CDON: variants seen among roughly 807,000 people sequenced by gnomAD.
The protein encoded by CDON is cell adhesion associated, oncogene regulated.
A neutral mutation model predicts 120.9 loss-of-function variants in CDON; 73 were observed. The observed-to-expected ratio is 0.60, with a 90% CI of 0.50 to 0.73. CDON has a LOEUF of 0.73. CDON is among the 30% of genes least tolerant of loss of function. The pLI, the probability that CDON is intolerant of heterozygous loss-of-function variation, is 0.00. For missense variants in CDON, 1,470 were observed against 1,587.3 expected (o/e 0.93, Z 1.26); for synonymous variants, 566 against 573.5 (o/e 0.99, Z 0.19).
Position 125,958,337 on chromosome 11 carries a change from T to G in CDON, c.*2605A>C, listed in dbSNP as rs1467809919. 6.6e-6 allele frequency: 1 copy of G among 152,114 alleles called. No homozygotes were observed. The highest frequency in any genetic ancestry group is 1.5e-5 in the Non-Finnish European group (1 of 68,044). The allele number at this position is 152,114 out of a possible 1,614,324, so 9.4% of individuals were successfully genotyped here. A position where few individuals can be genotyped will look rare whatever the true frequency, so the allele number is the denominator to read the frequency against. ...TAATGCCAACTTTGTAGATGAGTTG[T>G]GGGGGTTAAATGAGTTAACAGTAAC... On this transcript the variant is annotated 3_prime_UTR_variant, in exon 20 of 20. Coordinates refer to ENST00000531738, the MANE Select transcript of CDON (RefSeq NM_001378964.1).
chr11:125,980,538 T>C (rs1387664074), intron 17 of CDON, among the ~76,000 whole-genome samples: 1 of 152,300 alleles, frequency 6.6e-6, no homozygotes, highest in East Asian at 1.9e-4. Flanking sequence ...ACAGAGGTTT[T>C]GAAAAATCAG....
chr11:125,972,076 G>A (rs1410405861), intron 18 of CDON, among the ~76,000 whole-genome samples: 1 of 152,160 alleles, frequency 6.6e-6, no homozygotes, highest in African/African-American at 2.4e-5. Flanking sequence ...CTGCAAAGCT[G>A]CCTTAAATAT....
intron 7 of CDON, chr11:126,010,921 T>C (rs1044451066): frequency 3.4e-6 from 2 of 593,324 alleles, no homozygotes; most frequent in Non-Finnish European, 6.3e-6. Flanking sequence ...TTCCTGTCCT[T>C]CAGAAAGAAA....
At position 126,019,706 on chromosome 11, in the gene CDON, C is replaced by T. The variant is rs754529981; in HGVS notation, c.409G>A (p.Gly137Ser). The change falls in exon 4 of 20, where the codon GGT (glycine) becomes AGT (serine). Residue 137 changes from glycine (G) to serine (S), a missense_variant. Physicochemically the swap from Gly to Ser is moderately conservative, Grantham distance 56. Coordinates refer to ENST00000531738, the MANE Select transcript of CDON (RefSeq NM_001378964.1). ...TCCGGTACCCTGCAGCCAATGAAAC[C>T]AGCACTTTTTTCTTCTGCTGTAATA... ...HVITAEEKSA[G>S]FIGCRVPESN... is the part of the protein sequence containing the mutation. The T allele has an allele frequency of 3.1e-6, 5 of 1,614,052 alleles. No homozygotes were observed. The highest frequency in any genetic ancestry group is 3.4e-6 in the Non-Finnish European group (4 of 1,179,912).
intron 14 of CDON, among the ~76,000 whole-genome samples, chr11:125,993,673 G>A (rs1192497848): frequency 6.6e-6 from 1 of 152,174 alleles, no homozygotes; most frequent in East Asian, 1.9e-4. Context: ...ACGTCTCAGT[G>A]CACACAAGGA....
At chr11:126,002,221 A>G (rs958658505) in intron 10 of CDON, among the ~76,000 whole-genome samples, 3 of 152,222 alleles carry the variant, frequency 2.0e-5, no homozygotes, top group Admixed American at 1.3e-4. Context: ...GCTTCTGCTA[A>G]GTTTTCTAAG....
chr11:126,059,908 G>A (rs987427951), intron 1 of CDON, among the ~76,000 whole-genome samples: 24 of 150,814 alleles, frequency 1.6e-4, no homozygotes, highest in African/African-American at 5.8e-4. Context: ...AAGAGCACAA[G>A]CAATGAGGGA....
intron 18 of CDON, among the ~76,000 whole-genome samples, chr11:125,977,689 T>C (rs979405335): frequency 3.3e-5 from 5 of 152,298 alleles, no homozygotes; most frequent in South Asian, 4.1e-4. Context: ...TAGGAAAGTG[T>C]GCCGAGTATC....
rs1482281534 is a variant in CDON at position 126,010,603 on chromosome 11, C to T, written c.1290G>A (p.Gly430=). 1.2e-6 allele frequency: 2 copies of T among 1,614,040 alleles called. No homozygotes were observed. Among genetic ancestry groups the T allele is most frequent in the Non-Finnish European group, 1.7e-6 (2 of 1,180,008 alleles). Residue 430 remains glycine (G), a synonymous_variant, in exon 8 of 20, where the codon GGG becomes GGA. Coordinates refer to ENST00000531738, the MANE Select transcript of CDON (RefSeq NM_001378964.1). ...ACCAACGAATGACCGGAACCGGCAG[C>T]CCACTGGCATTGCAGGACAGAGTAA... ...DFVTLSCNAS[G]LPVPVIRWYD... is the part of the protein sequence containing the mutation.
At chr11:125,962,116 T>C (rs940419227) in intron 18 of CDON, 118 bp from the exon 19 acceptor site, 4 of 805,194 alleles carry the variant, frequency 5.0e-6, no homozygotes, top group Middle Eastern at 6.8e-4. Flanking sequence ...GAAAGAGTGA[T>C]GCTTAAAAAC....
chr11:126,057,679 T>C (rs1948712171), intron 1 of CDON, among the ~76,000 whole-genome samples: 1 of 152,264 alleles, frequency 6.6e-6, no homozygotes, highest in South Asian at 2.1e-4. Flanking sequence ...ATACATTAGC[T>C]GTACACTTGT....
In CDON at chr11:125,992,354, A is replaced by G. The variant is rs187099080; in HGVS notation, c.2650+1930T>C. On this transcript the variant is annotated intron_variant, in intron 14 of 19. Transcript: ENST00000531738. ...TATTATCCTTCCATTTCTTTTTAAA[A>G]ATAGGCTTTTTACTGGCATAAAGTA... Among the ~76,000 whole-genome samples the G allele has an allele frequency of 2.5e-3, 380 of 152,296 alleles. 1 individual carries two copies. Among genetic ancestry groups the G allele is most frequent in the African/African-American group, 6.7e-3 (279 of 41,580 alleles).
Position 125,997,361 on chromosome 11 carries a change from T to C in CDON, c.2208A>G (p.Ser736=). 1 of 1,613,884 alleles carries C rather than the reference T, an allele frequency of 6.2e-7. No individual in the cohort carries two copies. Among genetic ancestry groups the C allele is most frequent in the Non-Finnish European group, 8.5e-7 (1 of 1,179,822 alleles). Residue 736 remains serine, a synonymous_variant, in exon 12 of 20, where the codon TCA becomes TCG. Coordinates refer to ENST00000531738, the MANE Select transcript of CDON (RefSeq NM_001378964.1). ...RPTISTASET[S]VYVTWIPRAN... ...CCCGAGGAATCCAAGTGACATAGACTGATGTCTCTGATGCAGTGGAGATGG... is the reference window on the plus strand; with the variant it reads ...CCCGAGGAATCCAAGTGACATAGACCGATGTCTCTGATGCAGTGGAGATGG...
intron 10 of CDON, among the ~76,000 whole-genome samples, 184 bp from the exon 11 acceptor site, chr11:126,002,034 CTTTG>C (rs1297966868): frequency 6.6e-6 from 1 of 151,312 alleles, no homozygotes; most frequent in African/African-American, 2.4e-5. Flanking sequence ...CCAAAAATTA[CTTTG>C]TTTTTTTCTA....
chr11:125,979,715 T>C (rs1458536444), intron 17 of CDON, among the ~76,000 whole-genome samples: 1 of 152,128 alleles, frequency 6.6e-6, no homozygotes, highest in Non-Finnish European at 1.5e-5. Context: ...GGAAACAGTG[T>C]GTGCTATTCA....
chr11:126,003,461 C>G (rs77899780), intron 10 of CDON, among the ~76,000 whole-genome samples: 153 of 152,250 alleles, frequency 1.0e-3, no homozygotes, highest in African/African-American at 3.6e-3. Flanking sequence ...AATGTGACCC[C>G]AAAATGGAAG....
At position 125,957,841 on chromosome 11, in the gene CDON, CTG is replaced by C. The variant is rs1250866508; in HGVS notation, c.*3099_*3100del. ...CACCCTGGCAGCACCTGTCACCAGA[CTG>C]TCAGTGCAAAACTGAAAGAAAAACA... On this transcript the variant is annotated 3_prime_UTR_variant, in exon 20 of 20. Coordinates refer to ENST00000531738, the MANE Select transcript of CDON (RefSeq NM_001378964.1). 1 of 152,194 alleles carries C rather than the reference CTG, an allele frequency of 6.6e-6. No homozygotes were observed. The highest frequency in any genetic ancestry group is 1.9e-4 in the East Asian group (1 of 5,198). The allele number at this position is 152,194 out of a possible 1,614,324, so 9.4% of individuals were successfully genotyped here.
intron 1 of CDON, among the ~76,000 whole-genome samples, chr11:126,042,111 C>T (rs1252777820): frequency 2.6e-5 from 4 of 152,236 alleles, no homozygotes; most frequent in East Asian, 1.9e-4. Flanking sequence ...CTCGAACTCC[C>T]GACCTTAGGT....
At chr11:126,026,727 G>C (rs1947803299) in intron 1 of CDON, among the ~76,000 whole-genome samples, 1 of 152,210 alleles carries the variant, frequency 6.6e-6, no homozygotes, top group South Asian at 2.1e-4. Flanking sequence ...GAAGAGTCCA[G>C]CTGTGTGAAA....
Sources: gnomAD v4.1 joint callset for allele counts (sites outside exome capture counted in the v4.1 genomes callset) on GRCh38, gnomAD v4.1.1 for gene constraint, MANE v1.5 for transcripts, NCBI Gene and HGNC (gene_info 2026-07-23, HGNC 2026-07-21) for gene names.